Variants in AUTS2 observed in about 807,000 individuals in gnomAD.
AUTS2 encodes activator of transcription and developmental regulator AUTS2.
In AUTS2, 17 loss-of-function variants were observed where a neutral mutation model predicts 112.4. The observed-to-expected ratio is 0.15, with a 90% CI of 0.10 to 0.23. The LOEUF is 0.23. AUTS2 is among the 10% of genes least tolerant of loss of function. The pLI, the probability that AUTS2 is intolerant of heterozygous loss-of-function variation, is 1.00. For missense variants in AUTS2, 1,510 were observed against 1,701.6 expected, an observed-to-expected ratio of 0.89 and a Z score of 1.98; for synonymous variants, 751 against 702.7, an observed-to-expected ratio of 1.07 and a Z score of -1.09.
chr7:70,766,183 C>A lies in AUTS2; in HGVS notation c.1538C>A (p.Ser513Tyr). 6.2e-7 allele frequency: 1 copy of A among 1,614,178 alleles called. No homozygotes were observed. The highest frequency in any genetic ancestry group is 1.3e-5 in the African/African-American group (1 of 75,046). The change falls in exon 9 of 19, where the codon TCC becomes TAC. Residue 513 changes from serine (S) to tyrosine (Y), a missense_variant. Physicochemically the swap from Ser to Tyr is moderately radical, Grantham distance 144. Around this residue, in one of 3 missense-constraint regions of AUTS2, gnomAD observed 187 missense variants for 309.7 expected, o/e 0.60. Transcript: ENST00000342771. This position sits in a 1 kb window ranked among gnomAD's most constrained non-coding sequence, Gnocchi z 4.8. ...TCTCAGAGTGCTGACCGCGGGGCTTCCCTGGGCCCTCCGCCCTACCTGCGG... is the reference window on the plus strand; with the variant it reads ...TCTCAGAGTGCTGACCGCGGGGCTTACCTGGGCCCTCCGCCCTACCTGCGG... ...LASQSADRGA[S>Y]LGPPPYLRTE...
intron 4 of AUTS2, among the ~76,000 whole-genome samples, chr7:70,246,074 TAA>T (rs1027907457): frequency 1.1e-4 from 16 of 152,190 alleles, no homozygotes; most frequent in African/African-American, 3.9e-4. Context: ...TATTCAGTTA[TAA>T]GAGTGCTTTA....
At chr7:70,155,183 C>CAT (rs1807676634) in intron 4 of AUTS2, among the ~76,000 whole-genome samples, 1 of 152,070 alleles carries the variant, frequency 6.6e-6, no homozygotes, top group South Asian at 2.1e-4. Flanking sequence ...AAGCAAGACC[C>CAT]ATACATCATT....
chr7:70,560,476 C>G lies in AUTS2; in HGVS notation c.690+124695C>G, dbSNP rs149861309. Among the ~76,000 whole-genome samples the G allele has an allele frequency of 2.3e-3, 349 of 152,286 alleles. 3 individuals are homozygous for G. Among genetic ancestry groups the G allele is most frequent in the African/African-American group, 7.6e-3 (317 of 41,560 alleles). ...TGAAGGAATATGTTTGGGCTGGAAG[C>G]AAATGTTGGAAATGGAGTTTTAAAA... is the stretch of plus-strand genomic sequence containing the variant. On this transcript the variant is annotated intron_variant, in intron 5 of 18. Transcript: ENST00000342771.
At chr7:69,997,194 A>G (rs1319520717) in intron 2 of AUTS2, among the ~76,000 whole-genome samples, 1 of 152,188 alleles carries the variant, frequency 6.6e-6, no homozygotes, top group Non-Finnish European at 1.5e-5. Flanking sequence ...CATTATCCCT[A>G]TTTTCAGATG....
At chr7:70,746,263 A>G (rs1317591913) in intron 6 of AUTS2, among the ~76,000 whole-genome samples, 1 of 152,118 alleles carries the variant, frequency 6.6e-6, no homozygotes, top group East Asian at 1.9e-4. Flanking sequence ...CTCCTGCCTC[A>G]GCCTCCTGAG....
intron 2 of AUTS2, among the ~76,000 whole-genome samples, chr7:70,072,785 T>TA (rs1319200572): frequency 1.3e-5 from 2 of 152,136 alleles, no homozygotes; most frequent in Non-Finnish European, 2.9e-5. Context: ...ACCTTTCATT[T>TA]AAAAAAATAT....
At chr7:70,490,736 T>C (rs564717138) in intron 5 of AUTS2, among the ~76,000 whole-genome samples, 34 of 152,268 alleles carry the variant, frequency 2.2e-4, no homozygotes, top group Middle Eastern at 3.4e-3. Flanking sequence ...CCCTAGAACA[T>C]AGGGGACTTT....
Position 70,560,482 on chromosome 7 carries a change from T to C in AUTS2, c.690+124701T>C, listed in dbSNP as rs146872130. 3.4e-4 allele frequency among the ~76,000 whole-genome samples: 52 copies of C among 152,354 alleles called. No individual in the cohort carries two copies. In the East Asian group the frequency reaches 8.7e-3, roughly 25 times the overall value. ...AATATGTTTGGGCTGGAAGCAAATGTTGGAAATGGAGTTTTAAAACAACAG... is the reference window on the plus strand; with the variant it reads ...AATATGTTTGGGCTGGAAGCAAATGCTGGAAATGGAGTTTTAAAACAACAG... On this transcript the variant is annotated intron_variant, in intron 5 of 18. Coordinates refer to ENST00000342771, the MANE Select transcript of AUTS2 (RefSeq NM_015570.4).
chr7:70,459,969 G>A (rs879309251), intron 5 of AUTS2, among the ~76,000 whole-genome samples: 2 of 152,140 alleles, frequency 1.3e-5, no homozygotes, highest in Non-Finnish European at 2.9e-5. Context: ...ACAGAAGGGT[G>A]GAGGATCTAA....
chr7:69,778,715 C>A (rs1434852006), intron 1 of AUTS2, among the ~76,000 whole-genome samples: 2 of 152,146 alleles, frequency 1.3e-5, no homozygotes, highest in African/African-American at 4.8e-5. Context: ...CTAGCTGTTT[C>A]TTGGGACAGA....
intron 1 of AUTS2, among the ~76,000 whole-genome samples, chr7:69,745,733 A>G (rs1390751277): frequency 7.2e-5 from 11 of 152,216 alleles, no homozygotes; most frequent in Non-Finnish European, 1.5e-4. Flanking sequence ...GTGGGTTTAA[A>G]AAAAGTAATC....
intron 4 of AUTS2, among the ~76,000 whole-genome samples, chr7:70,141,592 C>G (rs905367598): frequency 4.6e-5 from 7 of 152,192 alleles, no homozygotes; most frequent in Admixed American, 4.6e-4. Context: ...CTTCAAAATA[C>G]TACCCTTAAC....
chr7:70,023,679 C>T (rs759387517), intron 2 of AUTS2, among the ~76,000 whole-genome samples: 2 of 152,144 alleles, frequency 1.3e-5, no homozygotes, highest in Non-Finnish European at 2.9e-5. Context: ...TTAAACTAAA[C>T]ACTCACTAAA....
intron 2 of AUTS2, among the ~76,000 whole-genome samples, chr7:69,949,174 T>G (rs1044328430): frequency 6.6e-6 from 1 of 152,192 alleles, no homozygotes; most frequent in African/African-American, 2.4e-5. Context: ...TAGAACATCA[T>G]AAACCCAAGT....
chr7:70,301,073 T>C (rs1416035219), intron 4 of AUTS2, among the ~76,000 whole-genome samples: 1 of 152,206 alleles, frequency 6.6e-6, no homozygotes, highest in Non-Finnish European at 1.5e-5. Context: ...CTATATTTCT[T>C]TCTTAAAATA....
chr7:70,290,353 A>G, intron 4 of AUTS2: 1 of 1,473,650 alleles, frequency 6.8e-7, no homozygotes, highest in Non-Finnish European at 9.0e-7. Context: ...TGAGATTTTC[A>G]TGTTTCCATT....
At chr7:70,490,300 AG>A (rs1798181459) in intron 5 of AUTS2, among the ~76,000 whole-genome samples, 1 of 152,234 alleles carries the variant, frequency 6.6e-6, no homozygotes, top group Non-Finnish European at 1.5e-5. Context: ...AATAAAAAAA[AG>A]AACACAAATA....
intron 5 of AUTS2, among the ~76,000 whole-genome samples, chr7:70,517,726 T>G (rs948289582): frequency 3.3e-5 from 5 of 151,890 alleles, no homozygotes; most frequent in Non-Finnish European, 7.4e-5. Flanking sequence ...AGTTTGCATA[T>G]GTATACATAT....
chr7:70,188,528 T>C (rs1364265259), intron 4 of AUTS2, among the ~76,000 whole-genome samples: 1 of 152,226 alleles, frequency 6.6e-6, no homozygotes, highest in Non-Finnish European at 1.5e-5. Context: ...GGATCATCCA[T>C]GAGCCCATCT....
Sources: allele counts gnomAD v4.1 joint callset (sites outside exome capture counted in the v4.1 genomes callset), GRCh38; gene constraint gnomAD v4.1.1; regional missense constraint gnomAD v4.1.1; non-coding constraint Gnocchi (gnomAD v3.1); transcripts MANE v1.5; gene names NCBI Gene and HGNC (gene_info 2026-07-23, HGNC 2026-07-21).